The following CCSER1 variants were observed in gnomAD, a reference collection of about 807,000 sequenced individuals.
CCSER1 encodes serine-rich coiled-coil domain-containing protein 1.
A neutral mutation model predicts 82.0 loss-of-function variants in CCSER1; 41 were observed. The observed-to-expected ratio is 0.50, with a 90% CI of 0.39 to 0.65. The LOEUF is 0.65. Ranked by LOEUF, CCSER1 falls within the 30% of genes least tolerant of loss-of-function variation. CCSER1 has a pLI of 0.00. For synonymous variants in CCSER1, 414 were observed against 383.9 expected (o/e 1.08, Z -0.92); for missense variants, 1,119 against 1,064.2 (o/e 1.05, Z -0.72).
intron 3 of CCSER1, among the ~76,000 whole-genome samples, chr4:90,355,996 C>G (rs137970868): frequency 0.011 from 1,662 of 151,932 alleles, 29 homozygotes; most frequent in African/African-American, 0.039. Context: ...TCTTAATTGG[C>G]CAACTACAAA....
At position 91,598,742 on chromosome 4, in the gene CCSER1, C is replaced by G; in HGVS notation, c.2388C>G (p.Asp796Glu). The change falls in exon 11 of 11, where the codon GAC becomes GAG. Residue 796 changes from aspartate (D) to glutamate (E), a missense_variant. By Grantham distance (45) the Asp-to-Glu change is conservative. Transcript: ENST00000509176. The stretch of plus-strand genomic sequence containing the variant: ...TCTGTTTAAGTAATTTCCTGAAGGA[C>G]AAGGAACTAGCAGAAGTTATCAAAC... ...PSLCLSNFLK[D>E]KELAEVIKHS... is the part of the protein sequence containing the mutation. 1 of 1,551,512 alleles carries G rather than the reference C, an allele frequency of 6.4e-7. No individual in the cohort carries two copies. The highest frequency in any genetic ancestry group is 8.7e-7 in the Non-Finnish European group (1 of 1,146,920).
chr4:90,530,178 C>T (rs974120412), intron 5 of CCSER1, among the ~76,000 whole-genome samples: 2 of 151,942 alleles, frequency 1.3e-5, no homozygotes, highest in Non-Finnish European at 2.9e-5. Context: ...GGGTATGGTC[C>T]CTTAAAGTAT....
intron 1 of CCSER1, among the ~76,000 whole-genome samples, chr4:90,193,853 G>A (rs939486094): frequency 6.6e-6 from 1 of 152,000 alleles, no homozygotes; most frequent in African/African-American, 2.4e-5. Flanking sequence ...CCTAGAACAA[G>A]GAAGCTAAAG....
chr4:91,535,369 C>A (rs1049589019), intron 10 of CCSER1, among the ~76,000 whole-genome samples: 1 of 151,890 alleles, frequency 6.6e-6, no homozygotes, highest in African/African-American at 2.4e-5. Context: ...TACTGGGAAG[C>A]AGGTAGTCAT....
chr4:91,251,896 G>A (rs1740286652), intron 10 of CCSER1, among the ~76,000 whole-genome samples: 2 of 152,132 alleles, frequency 1.3e-5, no homozygotes, highest in South Asian at 2.1e-4. Context: ...AGTAACAGAA[G>A]AGGTATGGTT....
chr4:90,401,883 T>C (rs1052530342), intron 4 of CCSER1, among the ~76,000 whole-genome samples: 1 of 152,168 alleles, frequency 6.6e-6, no homozygotes, highest in Non-Finnish European at 1.5e-5. Context: ...ATGGATTAGA[T>C]AGGGAATACC....
intron 5 of CCSER1, among the ~76,000 whole-genome samples, chr4:90,504,180 T>C (rs934574996): frequency 2.6e-5 from 4 of 152,216 alleles, no homozygotes; most frequent in Non-Finnish European, 5.9e-5. Context: ...CTTTGGCATA[T>C]TTCATATACA....
intron 1 of CCSER1, among the ~76,000 whole-genome samples, chr4:90,172,338 A>C (rs1731865750): frequency 6.6e-6 from 1 of 151,956 alleles, no homozygotes; most frequent in South Asian, 2.1e-4. Context: ...AGCAGGAGTT[A>C]GTGCAAAGGC....
At chr4:90,225,647 C>T (rs1001845395) in intron 1 of CCSER1, among the ~76,000 whole-genome samples, 1 of 152,170 alleles carries the variant, frequency 6.6e-6, no homozygotes, top group Admixed American at 6.5e-5. Flanking sequence ...TAAAGCTATA[C>T]AGTTAGGTTA....
intron 1 of CCSER1, among the ~76,000 whole-genome samples, chr4:90,154,226 C>T (rs1265516860): frequency 2.7e-4 from 41 of 151,878 alleles, no homozygotes; most frequent in African/African-American, 9.2e-4. Context: ...CTGTTCTGTT[C>T]CATTGATCTA....
At chr4:90,587,097 T>C (rs1254697346) in intron 5 of CCSER1, among the ~76,000 whole-genome samples, 4 of 152,152 alleles carry the variant, frequency 2.6e-5, no homozygotes, top group Admixed American at 6.6e-5. Context: ...GCTTTGCAAA[T>C]GGATCAAGGT....
chr4:91,336,440 T>C (rs1528561), intron 10 of CCSER1, among the ~76,000 whole-genome samples: 66,792 of 151,930 alleles, frequency 0.44, 15,222 homozygotes, highest in East Asian at 0.73. Context: ...AAGCCTAGTA[T>C]TTGCTACGCT....
chr4:91,244,192 A>G (rs1184313637), intron 10 of CCSER1, among the ~76,000 whole-genome samples: 2 of 152,110 alleles, frequency 1.3e-5, no homozygotes, highest in Non-Finnish European at 2.9e-5. Flanking sequence ...TGGAAAGGGG[A>G]AGGAAAAGTG....
At chr4:90,344,628 C>G (rs1284894733) in intron 3 of CCSER1, among the ~76,000 whole-genome samples, 1 of 152,050 alleles carries the variant, frequency 6.6e-6, no homozygotes, top group East Asian at 1.9e-4. Context: ...TCCAGATGCT[C>G]CTTGACTTAT....
At chr4:90,920,756 A>G (rs1029608321) in intron 8 of CCSER1, among the ~76,000 whole-genome samples, 1 of 151,912 alleles carries the variant, frequency 6.6e-6, no homozygotes, top group African/African-American at 2.4e-5. Flanking sequence ...AAGTGTCTTC[A>G]TAGAAAGGGA....
intron 10 of CCSER1, among the ~76,000 whole-genome samples, chr4:91,175,023 C>A (rs1378170725): frequency 6.6e-6 from 1 of 152,068 alleles, no homozygotes; most frequent in Non-Finnish European, 1.5e-5. Flanking sequence ...CATCCTGTGT[C>A]CGAGTGTTCT....
intron 10 of CCSER1, among the ~76,000 whole-genome samples, chr4:91,134,424 AAAAAAAACAAAAACAAAC>A (rs1728277176): frequency 6.6e-6 from 1 of 150,594 alleles, no homozygotes; most frequent in South Asian, 2.1e-4. Flanking sequence ...CTGTCTACAA[AAAAAAAACAAAAACAAAC>A]AAAAAAACAA....
intron 10 of CCSER1, among the ~76,000 whole-genome samples, chr4:91,229,354 T>A (rs1267392696): frequency 6.8e-6 from 1 of 146,978 alleles, no homozygotes; most frequent in Non-Finnish European, 1.5e-5. Context: ...TGTTTTGAAT[T>A]AAAAAAAAAA....
intron 10 of CCSER1, among the ~76,000 whole-genome samples, chr4:91,547,926 C>A (rs1308743580): frequency 6.6e-6 from 1 of 151,990 alleles, no homozygotes; most frequent in Non-Finnish European, 1.5e-5. Context: ...GGATTACAGG[C>A]GCATGCCACC....
Sources: gnomAD v4.1 joint callset for allele counts (sites outside exome capture counted in the v4.1 genomes callset) on GRCh38, gnomAD v4.1.1 for gene constraint, MANE v1.5 for transcripts, NCBI Gene and HGNC (gene_info 2026-07-23, HGNC 2026-07-21) for gene names.